SLC15A4: variants seen among roughly 807,000 people sequenced by gnomAD.
SLC15A4 encodes hPHT1.
SLC15A4 carries 26 observed loss-of-function variants against 46.1 expected under a neutral mutation model. The ratio of observed to expected loss-of-function variants is 0.56; its 90% CI spans 0.41 to 0.78. The LOEUF (loss-of-function observed/expected upper bound fraction) is 0.78. Among genes scored for constraint, SLC15A4 ranks in the 30% least tolerant of loss-of-function variants. SLC15A4 has a pLI of 0.00. For missense variants in SLC15A4, 751 were observed against 755.7 expected (o/e 0.99, Z 0.07); for synonymous variants, 370 against 333.4 (o/e 1.11, Z -1.20).
intron 5 of SLC15A4, among the ~76,000 whole-genome samples, chr12:128,802,670 C>A (rs1432855834): frequency 6.6e-6 from 1 of 152,160 alleles, no homozygotes; most frequent in Non-Finnish European, 1.5e-5. Flanking sequence ...ACTATTGCTA[C>A]TGGCATAGTT....
At chr12:128,822,106 T>C (rs116267681) in intron 1 of SLC15A4, among the ~76,000 whole-genome samples, 1,933 of 152,266 alleles carry the variant, frequency 0.013, 26 homozygotes, top group African/African-American at 0.043. Context: ...CTTCCCACTT[T>C]TTTTTATATT....
chr12:128,809,759 G>A (rs1459369621), intron 3 of SLC15A4, 184 bp downstream of exon 3: 1 of 578,000 alleles, frequency 1.7e-6, no homozygotes, highest in Admixed American at 3.5e-5. Flanking sequence ...TTTTCAGAGA[G>A]GCTTTAGACA....
At chr12:128,795,386 C>T (rs7302634) in intron 7 of SLC15A4, among the ~76,000 whole-genome samples, 80,744 of 151,972 alleles carry the variant, frequency 0.53, 22,321 homozygotes, top group Non-Finnish European at 0.62. Flanking sequence ...GCACTTTACA[C>T]GCAACGTCTG....
chr12:128,810,566 C>T (rs568101700), intron 2 of SLC15A4, among the ~76,000 whole-genome samples: 1 of 152,186 alleles, frequency 6.6e-6, no homozygotes, highest in South Asian at 2.1e-4. Flanking sequence ...ACATCAAGAC[C>T]TGACAGCCAA....
chr12:128,805,673 A>C (rs1371106207), intron 5 of SLC15A4, among the ~76,000 whole-genome samples: 1 of 152,120 alleles, frequency 6.6e-6, no homozygotes, highest in African/African-American at 2.4e-5. Flanking sequence ...CTGGGATTAA[A>C]GGCATGCGCC....
Position 128,823,665 on chromosome 12 carries a change from G to C in SLC15A4, c.279C>G (p.Gly93=). The part of the protein sequence containing the change: ...GLTYLGSPFG[G]WLADARLGRA... ...GGCCCAGCCGCGCGTCGGCCAGCCA[G>C]CCTCCGAACGGCGAGCCCAGGTAGG... Residue 93 remains glycine, a synonymous_variant, in exon 1 of 8, where the codon GGC becomes GGG. Coordinates refer to ENST00000266771, the MANE Select transcript of SLC15A4 (RefSeq NM_145648.4). 1 of 1,496,298 alleles carries C rather than the reference G, an allele frequency of 6.7e-7. No individual in the cohort carries two copies. The allele number at this position is 1,496,298 out of a possible 1,614,324, so 92.7% of individuals were successfully genotyped here. A position where few individuals can be genotyped will look rare whatever the true frequency, so the allele number is the denominator to read the frequency against.
intron 7 of SLC15A4, among the ~76,000 whole-genome samples, chr12:128,796,349 A>T (rs1466852540): frequency 7.0e-6 from 1 of 143,716 alleles, no homozygotes; most frequent in Non-Finnish European, 1.5e-5. Context: ...TGTCACTTGA[A>T]CCCGGGAGGT....
chr12:128,805,642 CAT>C (rs989823827), intron 5 of SLC15A4, among the ~76,000 whole-genome samples: 5 of 152,138 alleles, frequency 3.3e-5, no homozygotes, highest in African/African-American at 1.2e-4. Context: ...AAGCGATTCT[CAT>C]ATCTCAGCCT....
At chr12:128,822,037 G>A (rs911988219) in intron 1 of SLC15A4, among the ~76,000 whole-genome samples, 3 of 152,272 alleles carry the variant, frequency 2.0e-5, no homozygotes, top group East Asian at 1.9e-4. Context: ...TAAAGCTCTC[G>A]ACTGTATCCC....
At chr12:128,796,635 T>TA (rs1437461943) in intron 7 of SLC15A4, among the ~76,000 whole-genome samples, 1 of 152,158 alleles carries the variant, frequency 6.6e-6, no homozygotes, top group Non-Finnish European at 1.5e-5. Context: ...GTTCAACCCT[T>TA]ACGACCTACC....
chr12:128,796,037 G>C (rs151279335), intron 7 of SLC15A4, among the ~76,000 whole-genome samples: 82 of 152,310 alleles, frequency 5.4e-4, no homozygotes, highest in African/African-American at 1.2e-3. Flanking sequence ...TTCTTCTGAA[G>C]ACCTTTTTAA....
intron 5 of SLC15A4, 46 bp from the exon 6 acceptor site, chr12:128,801,055 T>C: frequency 6.6e-7 from 1 of 1,510,780 alleles, no homozygotes. Context: ...TATTAACATT[T>C]ACAGTTAATC....
At chr12:128,807,473 T>C (rs1955603481) in intron 5 of SLC15A4, among the ~76,000 whole-genome samples, 1 of 152,188 alleles carries the variant, frequency 6.6e-6, no homozygotes, top group Non-Finnish European at 1.5e-5. Flanking sequence ...CTCCCTTCCT[T>C]GGCATCAACC....
At chr12:128,804,107 A>G (rs574965022) in intron 5 of SLC15A4, among the ~76,000 whole-genome samples, 26 of 152,314 alleles carry the variant, frequency 1.7e-4, no homozygotes, top group Admixed American at 1.0e-3. Flanking sequence ...CTATTCACCT[A>G]CAACATTTTG....
chr12:128,802,256 G>A (rs577868386), intron 5 of SLC15A4, among the ~76,000 whole-genome samples: 86 of 152,174 alleles, frequency 5.7e-4, no homozygotes, highest in African/African-American at 1.9e-3. Context: ...GTGACAATAG[G>A]GACTGTCCCC....
At chr12:128,800,571 C>T (rs570410655) in intron 6 of SLC15A4, among the ~76,000 whole-genome samples, 1 of 152,256 alleles carries the variant, frequency 6.6e-6, no homozygotes, top group Non-Finnish European at 1.5e-5. Context: ...CCGCTGGGAA[C>T]TATCCAACCA....
intron 1 of SLC15A4, among the ~76,000 whole-genome samples, chr12:128,818,540 C>T (rs1955790038): frequency 6.6e-6 from 1 of 152,238 alleles, no homozygotes; most frequent in Non-Finnish European, 1.5e-5. Context: ...CATGAAGCAG[C>T]CGCACCTGGA....
chr12:128,797,839 G>A (rs2135704079), intron 7 of SLC15A4, among the ~76,000 whole-genome samples: 1 of 152,328 alleles, frequency 6.6e-6, no homozygotes, highest in African/African-American at 2.4e-5. Context: ...CTCGACAGAT[G>A]AGCTCCAACT....
At chr12:128,815,282 T>G (rs1955735499) in intron 1 of SLC15A4, 1 of 286,238 alleles carries the variant, frequency 3.5e-6, no homozygotes, top group African/African-American at 3.9e-5. Context: ...AGGTTTCACT[T>G]AATTACACTA....
Sources: gnomAD v4.1 joint callset for allele counts (sites outside exome capture counted in the v4.1 genomes callset) on GRCh38, gnomAD v4.1.1 for gene constraint, MANE v1.5 for transcripts, NCBI Gene and HGNC (gene_info 2026-07-23, HGNC 2026-07-21) for gene names.